The following NRG1 variants were observed in gnomAD, a reference collection of about 807,000 sequenced individuals.
NRG1 encodes the protein pro-neuregulin-1, membrane-bound isoform.
Under a neutral mutation model 63.8 loss-of-function variants are expected in NRG1, and 18 were observed. The ratio of observed to expected loss-of-function variants is 0.28; its 90% CI spans 0.19 to 0.42. NRG1 has a LOEUF of 0.42. Ranked by LOEUF, NRG1 falls within the 10% of genes least tolerant of loss-of-function variation. NRG1 has a pLI of 1.00. For missense variants in NRG1, 762 were observed against 814.7 expected, an observed-to-expected ratio of 0.94 and a Z score of 0.79; for synonymous variants, 302 against 301.3, an observed-to-expected ratio of 1.00 and a Z score of -0.02.
At position 32,361,992 on chromosome 8, in the gene NRG1, A is replaced by C. The variant is rs148950935; in HGVS notation, c.38-233836A>C. ...CAAAGCTGACTCCCATGAGCTCTCCAGAGATGATCTCAAGTGTCACTTTTG... is the reference window on the plus strand; with the variant it reads ...CAAAGCTGACTCCCATGAGCTCTCCCGAGATGATCTCAAGTGTCACTTTTG... On this transcript the variant is annotated intron_variant, in intron 1 of 10. Transcript: ENST00000519301. Among the ~76,000 whole-genome samples the C allele has an allele frequency of 7.2e-4, 110 of 152,258 alleles. 1 individual carries two copies. Among genetic ancestry groups the C allele is most frequent in the African/African-American group, 2.4e-3 (101 of 41,556 alleles).
chr8:31,807,648 T>C (rs149987064), intron 1 of NRG1, among the ~76,000 whole-genome samples: 197 of 152,316 alleles, frequency 1.3e-3, no homozygotes, highest in African/African-American at 4.4e-3. Flanking sequence ...TACAGTATTG[T>C]TGACCATAGG....
At chr8:32,301,980 G>C (rs1239964174) in intron 1 of NRG1, among the ~76,000 whole-genome samples, 1 of 152,158 alleles carries the variant, frequency 6.6e-6, no homozygotes, top group African/African-American at 2.4e-5. Flanking sequence ...TGGGGGGAGT[G>C]AATGTACCTG....
chr8:32,299,566 G>T (rs1450189034), intron 1 of NRG1, among the ~76,000 whole-genome samples: 1 of 152,138 alleles, frequency 6.6e-6, no homozygotes, highest in Non-Finnish European at 1.5e-5. Flanking sequence ...CGCTCCCTGT[G>T]TTAGTCTGTT....
intron 1 of NRG1, among the ~76,000 whole-genome samples, chr8:31,680,702 T>C (rs934228616): frequency 5.9e-5 from 9 of 152,088 alleles, no homozygotes; most frequent in African/African-American, 2.2e-4. Context: ...TCTAGATCCC[T>C]GAGGAATCGC....
chr8:32,558,784 T>G (rs1835709974), intron 1 of NRG1, among the ~76,000 whole-genome samples: 1 of 152,106 alleles, frequency 6.6e-6, no homozygotes, highest in Non-Finnish European at 1.5e-5. Context: ...TCTGGAGCAA[T>G]GTAAGTTACA....
chr8:31,989,022 G>A (rs892939634), intron 1 of NRG1, among the ~76,000 whole-genome samples: 2 of 151,864 alleles, frequency 1.3e-5, no homozygotes, highest in African/African-American at 4.8e-5. Flanking sequence ...GCTGAGGTGG[G>A]CAGGTCGCCT....
chr8:31,732,355 A>G (rs1325077244), intron 1 of NRG1, among the ~76,000 whole-genome samples: 2 of 152,166 alleles, frequency 1.3e-5, no homozygotes, highest in Non-Finnish European at 2.9e-5. Flanking sequence ...ATACAGCTTC[A>G]ATGCCTAAGA....
intron 2 of NRG1, among the ~76,000 whole-genome samples, chr8:32,598,834 G>T (rs900797958): frequency 1.1e-4 from 16 of 152,028 alleles, no homozygotes; most frequent in African/African-American, 3.9e-4. Flanking sequence ...AAGATTAAAG[G>T]TTCCAACTGA....
intron 9 of NRG1, among the ~76,000 whole-genome samples, chr8:32,757,025 G>A (rs1436672797): frequency 1.3e-5 from 2 of 152,132 alleles, no homozygotes; most frequent in Admixed American, 6.6e-5. Context: ...GGCGTGGAAA[G>A]GTCAAGTGAC....
intron 1 of NRG1, among the ~76,000 whole-genome samples, chr8:32,111,482 G>T (rs1193943276): frequency 6.6e-6 from 1 of 152,132 alleles, no homozygotes; most frequent in Non-Finnish European, 1.5e-5. Context: ...GGTCTGTGTT[G>T]TCAGTATTCA....
intron 1 of NRG1, among the ~76,000 whole-genome samples, chr8:31,770,520 A>G (rs1484644957): frequency 1.3e-5 from 2 of 151,760 alleles, no homozygotes; most frequent in Middle Eastern, 3.2e-3. Flanking sequence ...CGCAAGGACA[A>G]AAAACCAAAC....
chr8:32,305,696 G>A (rs1269593254), intron 1 of NRG1, among the ~76,000 whole-genome samples: 1 of 152,170 alleles, frequency 6.6e-6, no homozygotes, highest in East Asian at 1.9e-4. Context: ...TCACCTTTTT[G>A]TAGGGACAAG....
intron 6 of NRG1, among the ~76,000 whole-genome samples, chr8:32,732,172 T>G (rs1823850149): frequency 6.6e-6 from 1 of 152,208 alleles, no homozygotes; most frequent in South Asian, 2.1e-4. Flanking sequence ...ATTTTGTTTC[T>G]CTACAGTAAT....
intron 1 of NRG1, among the ~76,000 whole-genome samples, chr8:32,341,316 C>T (rs563776949): frequency 8.5e-5 from 13 of 152,328 alleles, no homozygotes; most frequent in Admixed American, 1.3e-4. Flanking sequence ...AACCTGTTCA[C>T]TTAGCAGGCA....
intron 1 of NRG1, among the ~76,000 whole-genome samples, chr8:32,464,363 G>A (rs4128548): frequency 0.064 from 8,184 of 128,042 alleles, 1,090 homozygotes; most frequent in East Asian, 0.64. Context: ...TAAGTATCTC[G>A]CTCCTAGATC....
At chr8:31,806,358 T>C (rs1335362118) in intron 1 of NRG1, among the ~76,000 whole-genome samples, 2 of 152,168 alleles carry the variant, frequency 1.3e-5, no homozygotes, top group African/African-American at 4.8e-5. Flanking sequence ...TGGCATATAG[T>C]GTTCACTTAT....
chr8:32,080,095 C>T (rs777676382), intron 1 of NRG1, among the ~76,000 whole-genome samples: 3 of 152,084 alleles, frequency 2.0e-5, no homozygotes, highest in African/African-American at 7.2e-5. Flanking sequence ...TTAGCAATGT[C>T]TACAATAGCT....
intron 1 of NRG1, among the ~76,000 whole-genome samples, chr8:32,529,045 T>A (rs1831174980): frequency 6.6e-6 from 1 of 152,236 alleles, no homozygotes; most frequent in Non-Finnish European, 1.5e-5. Context: ...TTCCCGTCAT[T>A]GTGTGAACAT....
intron 1 of NRG1, among the ~76,000 whole-genome samples, chr8:32,127,992 C>G (rs2131604281): frequency 6.6e-6 from 1 of 152,020 alleles, no homozygotes; most frequent in East Asian, 1.9e-4. Flanking sequence ...TTCTGGATGG[C>G]TCATCTAATA....
Sources: gnomAD v4.1 joint callset for allele counts (sites outside exome capture counted in the v4.1 genomes callset) on GRCh38, gnomAD v4.1.1 for gene constraint, MANE v1.5 for transcripts, NCBI Gene and HGNC (gene_info 2026-07-23, HGNC 2026-07-21) for gene names.